ZMIZ1: variants seen among roughly 807,000 people sequenced by gnomAD.
ZMIZ1 encodes the protein zinc finger MIZ-type containing 1, also known as zinc finger MIZ domain-containing protein 1.
Under a neutral mutation model 113.9 loss-of-function variants are expected in ZMIZ1, and 17 were observed. The ratio of observed to expected loss-of-function variants is 0.15; its 90% confidence interval spans 0.10 to 0.22. The LOEUF is 0.22. Among genes scored for constraint, ZMIZ1 ranks in the 10% least tolerant of loss-of-function variants. The probability of loss-of-function intolerance (pLI) is 1.00; values close to 1 mark genes in which losing one functional copy is unlikely to be tolerated. For synonymous variants in ZMIZ1, 607 were observed against 603.1 expected, an observed-to-expected ratio of 1.01 and a Z score of -0.09; for missense variants, 1,059 against 1,477.8, an observed-to-expected ratio of 0.72 and a Z score of 4.65.
At chr10:79,226,408 C>G (rs1020458210) in intron 7 of ZMIZ1, among the ~76,000 whole-genome samples, 8 of 152,218 alleles carry the variant, frequency 5.3e-5, no homozygotes, top group Admixed American at 5.2e-4. Context: ...GCATCTGCCT[C>G]TAGCCACCCT....
intron 3 of ZMIZ1, among the ~76,000 whole-genome samples, chr10:79,147,998 T>A (rs779092124): frequency 6.6e-6 from 1 of 152,222 alleles, no homozygotes; most frequent in Non-Finnish European, 1.5e-5. Context: ...TTTGTCAGCC[T>A]GCATACTGTG....
chr10:79,297,359 G>A (rs1372306006), intron 13 of ZMIZ1, among the ~76,000 whole-genome samples: 2 of 152,114 alleles, frequency 1.3e-5, no homozygotes, highest in African/African-American at 2.4e-5. Flanking sequence ...CAGGTTTACC[G>A]TTTTTGCTCC....
intron 6 of ZMIZ1, 59 bp downstream of exon 6, chr10:79,208,508 G>T: frequency 2.8e-6 from 4 of 1,446,522 alleles, no homozygotes; most frequent in South Asian, 1.2e-5. Flanking sequence ...GAGTGCTAGC[G>T]TGCCTGTCCA....
At chr10:79,190,150 G>T (rs1589399284) in intron 4 of ZMIZ1, among the ~76,000 whole-genome samples, 1 of 152,332 alleles carries the variant, frequency 6.6e-6, no homozygotes, top group Admixed American at 6.5e-5. Context: ...CCAAGCCCCT[G>T]TTCCCATCAC....
At chr10:79,240,201 C>T (rs553657945) in intron 7 of ZMIZ1, among the ~76,000 whole-genome samples, 1 of 152,260 alleles carries the variant, frequency 6.6e-6, no homozygotes, top group Non-Finnish European at 1.5e-5. Context: ...CCTTTCTTCT[C>T]TCTCCCAAGT....
At chr10:79,146,156 C>T (rs1352276013) in intron 3 of ZMIZ1, among the ~76,000 whole-genome samples, 3 of 152,110 alleles carry the variant, frequency 2.0e-5, no homozygotes, top group African/African-American at 2.4e-5. Context: ...CCCCATAGAG[C>T]TGGCATTTCC....
chr10:79,300,180 G>C (rs773600943), intron 16 of ZMIZ1, among the ~76,000 whole-genome samples: 1 of 152,230 alleles, frequency 6.6e-6, no homozygotes, highest in African/African-American at 2.4e-5. Flanking sequence ...GCTCACCCAC[G>C]CTCCTTAGCT....
rs572817916 is a variant in ZMIZ1, at chr10:79,211,930, A to G, written c.174+3481A>G. Among the ~76,000 whole-genome samples, 22 of 152,274 alleles carry G rather than the reference A, an allele frequency of 1.4e-4. No homozygotes were observed. In the South Asian group the frequency reaches 1.9e-3, roughly 13 times the overall value. On this transcript the variant is annotated intron_variant, in intron 6 of 24. Transcript: ENST00000334512. ...AGCAGGCCTCTCCTTCATCTCCCCA[A>G]TGAGGACGCCCTGCAGCTTCAGAGG...
intron 5 of ZMIZ1, among the ~76,000 whole-genome samples, chr10:79,203,695 A>T (rs1589419666): frequency 6.6e-6 from 1 of 152,200 alleles, no homozygotes. Flanking sequence ...CCCTGGGTCC[A>T]TCTTGGGCAG....
rs191311874 is a variant in ZMIZ1, at chr10:79,155,465, C to G, written c.-130-6588C>G. Among the ~76,000 whole-genome samples, 23 of 152,362 alleles carry G rather than the reference C, an allele frequency of 1.5e-4. No homozygotes were observed. In the East Asian group the frequency reaches 4.2e-3, roughly 28 times the overall value. On this transcript the variant is annotated intron_variant, in intron 3 of 24. Coordinates refer to ENST00000334512, the MANE Select transcript of ZMIZ1 (RefSeq NM_020338.4). Reference sequence around the variant, plus strand: ...TGGTGTGATCTTGGCTGGGCCCTTCCCTCTCTCTGGTCTCAGTTTGTCTCT... The same window carrying G: ...TGGTGTGATCTTGGCTGGGCCCTTCGCTCTCTCTGGTCTCAGTTTGTCTCT...
rs1259730530 is a variant in ZMIZ1 at position 79,296,625 on chromosome 10, C to G, written c.1385C>G (p.Pro462Arg). Residue 462 changes from proline to arginine, a missense_variant, in exon 13 of 25, where the codon CCC (proline) becomes CGC (arginine). Transcript: ENST00000334512. This position sits in a 1 kb window ranked among gnomAD's most constrained non-coding sequence, Gnocchi z 4.1. ...SQPSSGQYPP[P>R]TVNMGQYYKP... ...CCGAGCTCCGGGCAGTACCCGCCCC[C>G]CACGGTCAACATGGGGCAGTATTAC... The G allele has an allele frequency of 1.3e-6, 2 of 1,588,180 alleles. No individual in the cohort carries two copies. Among genetic ancestry groups the G allele is most frequent in the South Asian group, 1.1e-5 (1 of 87,164 alleles).
chr10:79,090,813 T>C (rs1842963806), intron 1 of ZMIZ1, among the ~76,000 whole-genome samples: 1 of 152,226 alleles, frequency 6.6e-6, no homozygotes, highest in South Asian at 2.1e-4. Flanking sequence ...CAGGGATGTA[T>C]GTGCCCAGGG....
Position 79,289,857 on chromosome 10 carries a change from G to A in ZMIZ1, c.508G>A (p.Val170Ile). Residue 170 changes from valine to isoleucine, a missense_variant, in exon 9 of 25, where the codon GTT becomes ATT. By Grantham distance (29) the Val-to-Ile change is conservative. This residue lies in a region of ZMIZ1 where 272 missense variants were observed against 350.4 expected (regional missense o/e 0.78). Coordinates refer to ENST00000334512, the MANE Select transcript of ZMIZ1 (RefSeq NM_020338.4). ...CGGCTCCCTTTCCGTGGTCACCACG[G>A]TTTGGGGAGTAACCAACACATCCCA... The part of the protein sequence containing the change: ...PPGSLSVVTT[V>I]WGVTNTSQSQ... 1 of 1,614,076 alleles carries A rather than the reference G, an allele frequency of 6.2e-7. No individual in the cohort carries two copies. The highest frequency in any genetic ancestry group is 2.2e-5 in the East Asian group (1 of 44,886).
At position 79,069,397 on chromosome 10, in the gene ZMIZ1, G is replaced by A. The variant is rs1842169003; in HGVS notation, c.-337+127G>A. On this transcript the variant is annotated intron_variant, in intron 1 of 24. Transcript: ENST00000334512. This position sits in a 1 kb window ranked among gnomAD's most constrained non-coding sequence, Gnocchi z 4.6. ...TTCCCTTAAAGTGTCCCCCGGAGCG[G>A]GGCGACCGGCCGGCGGCGCGGGCTC... The A allele has an allele frequency of 6.7e-6, 1 of 150,236 alleles. No homozygotes were observed. The highest frequency in any genetic ancestry group is 1.5e-5 in the Non-Finnish European group (1 of 67,414). The allele number at this position is 150,236 out of a possible 1,614,324, so 9.3% of individuals were successfully genotyped here.
intron 3 of ZMIZ1, among the ~76,000 whole-genome samples, chr10:79,154,926 T>C (rs575205866): frequency 6.6e-6 from 1 of 152,250 alleles, no homozygotes; most frequent in South Asian, 2.1e-4. Flanking sequence ...TAATGACTTA[T>C]GGCCCCTGTT....
chr10:79,269,808 C>T (rs1589529516), intron 7 of ZMIZ1, among the ~76,000 whole-genome samples: 1 of 152,342 alleles, frequency 6.6e-6, no homozygotes, highest in East Asian at 1.9e-4. Context: ...CTGTGGCTGC[C>T]TCTGCTTTCT....
chr10:79,201,883 C>G (rs970155612), intron 5 of ZMIZ1, among the ~76,000 whole-genome samples, 191 bp downstream of exon 5: 1 of 152,016 alleles, frequency 6.6e-6, no homozygotes, highest in Non-Finnish European at 1.5e-5. Context: ...AGTGCCAATG[C>G]TGCCCTGTCC....
chr10:79,100,725 C>A (rs1843336702), intron 1 of ZMIZ1, among the ~76,000 whole-genome samples: 1 of 152,144 alleles, frequency 6.6e-6, no homozygotes, highest in Non-Finnish European at 1.5e-5. Flanking sequence ...TCATTGCTGG[C>A]AGGGGCCTGG....
chr10:79,088,720 A>G (rs1589257316), intron 1 of ZMIZ1, among the ~76,000 whole-genome samples: 2 of 151,902 alleles, frequency 1.3e-5, no homozygotes, highest in Non-Finnish European at 2.9e-5. Context: ...GGACTTGGGG[A>G]AGGTGGGTGG....
Sources: gnomAD v4.1 joint callset for allele counts (sites outside exome capture counted in the v4.1 genomes callset) on GRCh38, gnomAD v4.1.1 for gene constraint, gnomAD v4.1.1 regional missense constraint, Gnocchi (gnomAD v3.1) non-coding constraint, MANE v1.5 for transcripts, NCBI Gene and HGNC (gene_info 2026-07-23, HGNC 2026-07-21) for gene names.